The following GIT2 variants were observed in gnomAD, a reference collection of about 807,000 sequenced individuals.
GIT2 encodes the protein ARF GTPase-activating protein GIT2.
A neutral mutation model predicts 100.3 loss-of-function variants in GIT2; 32 were observed. The ratio of observed to expected loss-of-function variants is 0.32; its 90% CI spans 0.24 to 0.43. GIT2 has a LOEUF of 0.43. GIT2 is among the 20% of genes least tolerant of loss of function. The probability of loss-of-function intolerance (pLI) is 1.00; values close to 1 mark genes in which losing one functional copy is unlikely to be tolerated. For missense variants in GIT2, 737 were observed against 975.1 expected (o/e 0.76, Z 3.25); for synonymous variants, 353 against 364.1 (o/e 0.97, Z 0.35).
Position 109,996,299 on chromosome 12 carries a change from T to G in GIT2, c.-75A>C. 1 of 1,047,316 alleles carries G rather than the reference T, an allele frequency of 9.5e-7. No homozygotes were observed. The highest frequency in any genetic ancestry group is 1.4e-6 in the Non-Finnish European group (1 of 716,060). 64.9% of individuals were successfully genotyped at this position (1,047,316 alleles called of 1,614,324 possible). A position where few individuals can be genotyped will look rare whatever the true frequency, so the allele number is the denominator to read the frequency against. On this transcript the variant is annotated 5_prime_UTR_variant, in exon 1 of 20. Coordinates refer to ENST00000355312, the MANE Select transcript of GIT2 (RefSeq NM_057169.5). ...GCGGCGGTGGCGGCGGCGCTTCCGC[T>G]CTAACGGGTCCCAGCTGCGGCGGCG...
At chr12:109,970,538 C>T (rs7961458) in intron 7 of GIT2, among the ~76,000 whole-genome samples, 7,875 of 152,158 alleles carry the variant, frequency 0.052, 290 homozygotes, top group East Asian at 0.11. Flanking sequence ...ATCCTTCCTC[C>T]ACCACTGAAC....
intron 16 of GIT2, among the ~76,000 whole-genome samples, chr12:109,941,103 G>A (rs1412660468): frequency 6.6e-6 from 1 of 152,116 alleles, no homozygotes; most frequent in Non-Finnish European, 1.5e-5. Flanking sequence ...TCTGTCGGCT[G>A]AGGTCTTCCA....
rs1389922776 is a variant in GIT2, at chr12:109,983,656, G to C, written c.444C>G (p.Thr148=). The C allele has an allele frequency of 6.2e-7, 1 of 1,613,232 alleles. No individual in the cohort carries two copies. Among genetic ancestry groups the C allele is most frequent in the Non-Finnish European group, 8.5e-7 (1 of 1,179,440 alleles). ...HSSVRTGNLE[T]CLRLLSLGAQ... is the part of the protein sequence containing the mutation. ...CTCCTAAAGATAACAGTCTCAAACA[G>C]GTTTCAAGATTCCCTGTTCTCACGC... The change falls in exon 5 of 20, where the codon ACC becomes ACG. Residue 148 remains threonine, a synonymous_variant. Coordinates refer to ENST00000355312, the MANE Select transcript of GIT2 (RefSeq NM_057169.5).
At chr12:109,955,316 C>A (rs1301724652) in intron 12 of GIT2, among the ~76,000 whole-genome samples, 2 of 151,966 alleles carry the variant, frequency 1.3e-5, no homozygotes. Flanking sequence ...TTAGTAGAGA[C>A]GGGGTTTCAC....
intron 7 of GIT2, among the ~76,000 whole-genome samples, chr12:109,975,771 C>CTT (rs770898259): frequency 4.1e-5 from 5 of 121,396 alleles, no homozygotes; most frequent in Non-Finnish European, 8.7e-5. Flanking sequence ...TCTTTGTAGT[C>CTT]TTTTTTTTTT....
rs1039951206 is a variant in GIT2 at position 109,995,972 on chromosome 12, G to A, written c.52+201C>T. On this transcript the variant is annotated intron_variant, in intron 1 of 19. Transcript: ENST00000355312. ...CGGGAGGGAACGAGAGGGAAGGGAG[G>A]GCCGCGAGGGACGGGGAGGGCGGCG... 3.4e-5 allele frequency: 16 copies of A among 474,606 alleles called. 1 individual carries two copies. The highest frequency in any genetic ancestry group is 1.8e-4 in the African/African-American group (9 of 48,946). 29.4% of individuals were successfully genotyped at this position (474,606 alleles called of 1,614,324 possible).
upstream of GIT2, among the ~76,000 whole-genome samples, chr12:109,997,175 A>T (rs377184513): frequency 1.4e-4 from 20 of 140,986 alleles, no homozygotes; most frequent in African/African-American, 5.2e-4. Context: ...ATTGCACTCC[A>T]GCATGGGCGA....
chr12:109,970,259 C>T (rs1218097474), intron 7 of GIT2, among the ~76,000 whole-genome samples: 2 of 151,974 alleles, frequency 1.3e-5, no homozygotes, highest in Non-Finnish European at 2.9e-5. Flanking sequence ...TTTGGGAGGC[C>T]GATGCGGGCA....
chr12:109,941,694 T>C (rs539077624), intron 16 of GIT2, among the ~76,000 whole-genome samples: 1 of 152,150 alleles, frequency 6.6e-6, no homozygotes, highest in South Asian at 2.1e-4. Flanking sequence ...GCTAATTTTG[T>C]ATTTTTAGTA....
At chr12:109,975,145 T>C (rs1884763412) in intron 7 of GIT2, among the ~76,000 whole-genome samples, 1 of 152,226 alleles carries the variant, frequency 6.6e-6, no homozygotes, top group Non-Finnish European at 1.5e-5. Flanking sequence ...TTTAACTTAT[T>C]ACCTATATTG....
intron 12 of GIT2, 80 bp from the exon 13 acceptor site, chr12:109,953,314 G>A: frequency 6.7e-7 from 1 of 1,483,266 alleles, no homozygotes; most frequent in South Asian, 1.2e-5. Flanking sequence ...GGATTTTTTG[G>A]TTTAGCCATT....
chr12:109,972,860 T>C (rs1175474683), intron 7 of GIT2, among the ~76,000 whole-genome samples: 1 of 152,156 alleles, frequency 6.6e-6, no homozygotes, highest in East Asian at 1.9e-4. Context: ...TCTCACTCTG[T>C]CACCCAGACT....
At chr12:109,988,723 T>G (rs1192400822) in intron 4 of GIT2, among the ~76,000 whole-genome samples, 1 of 151,644 alleles carries the variant, frequency 6.6e-6, no homozygotes, top group Non-Finnish European at 1.5e-5. Flanking sequence ...CATGGTGGCA[T>G]GCGCCTGTAA....
intron 7 of GIT2, among the ~76,000 whole-genome samples, chr12:109,968,700 G>C (rs1883091161): frequency 6.6e-6 from 1 of 151,994 alleles, no homozygotes; most frequent in Non-Finnish European, 1.5e-5. Context: ...TGGGATTACA[G>C]GTGTGAGCCA....
intron 3 of GIT2, 76 bp from the exon 4 acceptor site, chr12:109,989,144 A>AT: frequency 1.1e-6 from 1 of 913,576 alleles, no homozygotes; most frequent in Non-Finnish European, 1.8e-6. Context: ...TGTAAAAAGA[A>AT]GAGGAAGTGA....
intron 16 of GIT2, among the ~76,000 whole-genome samples, chr12:109,944,826 A>G (rs1947441533): frequency 7.7e-6 from 1 of 130,184 alleles, no homozygotes; most frequent in South Asian, 2.6e-4. Context: ...GTCACAGGTT[A>G]AAAAAAAAAA....
In GIT2 at chr12:109,951,257, T is replaced by C. The variant is rs767623088; in HGVS notation, c.1302A>G (p.Lys434=). 50 of 1,611,898 alleles carry C rather than the reference T, an allele frequency of 3.1e-5. 1 individual carries two copies. In the South Asian group the frequency reaches 4.8e-4, roughly 16 times the overall value. ...PVTVQEFMEV[K]NALVASEAKI... is the part of the protein sequence containing the mutation. ...TGGCCTCAGAAGCCACTAGAGCGTT[T>C]TTGACCTCCATAAATTCCTGTACAG... Residue 434 remains lysine (K), a synonymous_variant, in exon 14 of 20, where the codon AAA becomes AAG. Coordinates refer to ENST00000355312, the MANE Select transcript of GIT2 (RefSeq NM_057169.5).
Position 109,948,669 on chromosome 12 carries a change from C to G in GIT2, c.1393-1165G>C. The G allele has an allele frequency of 7.0e-7, 1 of 1,433,384 alleles. No homozygotes were observed. The highest frequency in any genetic ancestry group is 9.1e-7 in the Non-Finnish European group (1 of 1,100,674). The allele number at this position is 1,433,384 out of a possible 1,614,324, so 88.8% of individuals were successfully genotyped here. A position where few individuals can be genotyped will look rare whatever the true frequency, so the allele number is the denominator to read the frequency against. ...TGTAAAATCTGACCAAATTCCCCAC[C>G]AGTGCCAAGGTTTAAGTCCACAAGC... is the stretch of plus-strand genomic sequence containing the variant. On this transcript the variant is annotated intron_variant, in intron 14 of 19. Transcript: ENST00000355312. This position sits in a 1 kb window ranked among gnomAD's most constrained non-coding sequence, Gnocchi z 4.3.
At chr12:109,993,453 G>A (rs928696756) in intron 1 of GIT2, among the ~76,000 whole-genome samples, 2 of 152,188 alleles carry the variant, frequency 1.3e-5, no homozygotes, top group African/African-American at 4.8e-5. Context: ...GGGAGCCAGT[G>A]AGTATGGTGG....
Sources: gnomAD v4.1 joint callset for allele counts (sites outside exome capture counted in the v4.1 genomes callset) on GRCh38, gnomAD v4.1.1 for gene constraint, Gnocchi (gnomAD v3.1) non-coding constraint, MANE v1.5 for transcripts, NCBI Gene and HGNC (gene_info 2026-07-23, HGNC 2026-07-21) for gene names.